NTM: variants seen among roughly 807,000 people sequenced by gnomAD.
The protein encoded by NTM is neurotrimin, also known as IgLON family member 2.
Under a neutral mutation model 42.1 loss-of-function variants are expected in NTM, and 13 were observed. The observed-to-expected ratio is 0.31, with a 90% CI of 0.20 to 0.49. The LOEUF (loss-of-function observed/expected upper bound fraction) is 0.49. Among genes scored for constraint, NTM ranks in the 20% least tolerant of loss-of-function variants. NTM has a pLI of 0.99. For synonymous variants in NTM, 187 were observed against 179.2 expected (o/e 1.04, Z -0.35); for missense variants, 373 against 452.8 (o/e 0.82, Z 1.60).
At chr11:131,664,663 C>G (rs918334242) in intron 1 of NTM, among the ~76,000 whole-genome samples, 6 of 150,688 alleles carry the variant, frequency 4.0e-5, no homozygotes, top group African/African-American at 1.5e-4. Flanking sequence ...TAAAATAAAC[C>G]AAGTAGATTT....
chr11:131,975,956 G>A (rs1199597834), intron 2 of NTM, among the ~76,000 whole-genome samples: 1 of 152,136 alleles, frequency 6.6e-6, no homozygotes, highest in Non-Finnish European at 1.5e-5. Context: ...GAACCAAGCA[G>A]CTCTGGCATC....
intron 2 of NTM, among the ~76,000 whole-genome samples, chr11:132,023,161 G>A (rs1314073586): frequency 1.3e-5 from 2 of 152,182 alleles, no homozygotes; most frequent in Non-Finnish European, 2.9e-5. Context: ...CCCTAGTCAC[G>A]TGCTGCCGCC....
intron 4 of NTM, among the ~76,000 whole-genome samples, chr11:132,252,798 T>C (rs1238498333): frequency 6.6e-6 from 1 of 152,172 alleles, no homozygotes; most frequent in Admixed American, 6.5e-5. Flanking sequence ...CTCTGAAAGG[T>C]TAATGGGTAT....
intron 2 of NTM, among the ~76,000 whole-genome samples, chr11:132,106,908 G>C (rs1347608050): frequency 2.6e-5 from 4 of 152,138 alleles, no homozygotes; most frequent in African/African-American, 4.8e-5. Context: ...TCACAACTGG[G>C]TTAGGAAGCA....
intron 2 of NTM, among the ~76,000 whole-genome samples, chr11:132,018,247 A>G (rs551325330): frequency 6.6e-6 from 1 of 151,522 alleles, no homozygotes; most frequent in Non-Finnish European, 1.5e-5. Context: ...TTGCATGGGT[A>G]GAACCTCTAA....
chr11:132,100,137 C>T (rs1303005633), intron 2 of NTM, among the ~76,000 whole-genome samples: 1 of 152,216 alleles, frequency 6.6e-6, no homozygotes, highest in Non-Finnish European at 1.5e-5. Flanking sequence ...ATTTCTCTGC[C>T]TATATTTGCA....
intron 2 of NTM, among the ~76,000 whole-genome samples, chr11:132,046,981 A>G (rs972743880): frequency 6.6e-6 from 1 of 152,198 alleles, no homozygotes; most frequent in Non-Finnish European, 1.5e-5. Context: ...TCCTCATAGC[A>G]GCCCTAGGAA....
intron 6 of NTM, among the ~76,000 whole-genome samples, chr11:132,310,680 T>C (rs148520908): frequency 6.6e-6 from 1 of 152,164 alleles, no homozygotes; most frequent in Admixed American, 6.5e-5. Flanking sequence ...TTCCAGACAC[T>C]ATCAGTAGCG....
At chr11:131,787,570 C>T (rs1346118263) in intron 1 of NTM, among the ~76,000 whole-genome samples, 1 of 151,682 alleles carries the variant, frequency 6.6e-6, no homozygotes, top group Non-Finnish European at 1.5e-5. Context: ...ATTTTTAGTA[C>T]AGACGGGGTT....
intron 1 of NTM, among the ~76,000 whole-genome samples, chr11:131,706,071 G>T (rs1481525952): frequency 6.6e-6 from 1 of 152,044 alleles, no homozygotes; most frequent in Non-Finnish European, 1.5e-5. Context: ...AGATCCAACT[G>T]CATGCTACCT....
chr11:131,565,529 G>C (rs1445452302), intron 1 of NTM, among the ~76,000 whole-genome samples: 1 of 152,182 alleles, frequency 6.6e-6, no homozygotes, highest in Non-Finnish European at 1.5e-5. Context: ...GAACATCTTT[G>C]TTGTCATGGC....
intron 2 of NTM, among the ~76,000 whole-genome samples, chr11:132,087,684 A>AAGAAG (rs978038092): frequency 3.9e-5 from 6 of 152,170 alleles, no homozygotes; most frequent in Admixed American, 3.3e-4. Context: ...CTTTTCAAGA[A>AAGAAG]AGAAAAACCT....
At chr11:132,186,732 A>G (rs1202152722) in intron 3 of NTM, among the ~76,000 whole-genome samples, 1 of 152,178 alleles carries the variant, frequency 6.6e-6, no homozygotes, top group Non-Finnish European at 1.5e-5. Context: ...CAAGGCAGTT[A>G]TAATAATTTC....
At position 131,712,613 on chromosome 11, in the gene NTM, A is replaced by ATTT. The variant is rs552963623; in HGVS notation, c.83-198940_83-198938dup. Among the ~76,000 whole-genome samples the ATTT allele has an allele frequency of 7.6e-3, 1,115 of 146,340 alleles. 14 individuals are homozygous for ATTT. Among genetic ancestry groups the ATTT allele is most frequent in the African/African-American group, 0.022 (895 of 40,220 alleles). On this transcript the variant is annotated intron_variant, in intron 1 of 8. Coordinates refer to ENST00000683400, the MANE Select transcript of NTM (RefSeq NM_001352005.2). ...TACATTTTACTCATAGAGACAAGTG[A>ATTT]TTTTTTTTTTTTTAAGACAGGATCT... is the stretch of plus-strand genomic sequence containing the variant.
chr11:132,108,607 A>G (rs937437107), intron 2 of NTM, among the ~76,000 whole-genome samples: 4 of 152,128 alleles, frequency 2.6e-5, no homozygotes, highest in East Asian at 1.9e-4. Context: ...TGGTGCACCA[A>G]AATCTCAGAA....
intron 2 of NTM, among the ~76,000 whole-genome samples, chr11:132,050,342 T>C: frequency 6.6e-6 from 1 of 152,150 alleles, no homozygotes; most frequent in Admixed American, 6.5e-5. Flanking sequence ...GAACCTTCCA[T>C]GGCTGGTCCT....
intron 2 of NTM, among the ~76,000 whole-genome samples, chr11:132,096,811 G>A (rs1591488958): frequency 6.6e-6 from 1 of 152,140 alleles, no homozygotes; most frequent in Non-Finnish European, 1.5e-5. Flanking sequence ...GGAAAACCCA[G>A]CTCACTATGA....
chr11:131,724,209 G>A (rs962432751), intron 1 of NTM, among the ~76,000 whole-genome samples: 2 of 152,142 alleles, frequency 1.3e-5, no homozygotes, highest in Non-Finnish European at 2.9e-5. Context: ...TGGCCAGGGC[G>A]CCTGCACCCC....
At chr11:131,713,105 C>T (rs2077346053) in intron 1 of NTM, among the ~76,000 whole-genome samples, 1 of 151,958 alleles carries the variant, frequency 6.6e-6, no homozygotes, top group Non-Finnish European at 1.5e-5. Flanking sequence ...CAACATAAGG[C>T]TAGGAATTTA....
Sources: allele counts gnomAD v4.1 joint callset (sites outside exome capture counted in the v4.1 genomes callset), GRCh38; gene constraint gnomAD v4.1.1; transcripts MANE v1.5; gene names NCBI Gene and HGNC (gene_info 2026-07-23, HGNC 2026-07-21).